The following SNRK variants were observed in gnomAD, a reference collection of about 807,000 sequenced individuals.
The protein encoded by SNRK is SNF related kinase, also known as SNF-related serine/threonine-protein kinase.
SNRK carries 3 observed loss-of-function variants against 48.2 expected under a neutral mutation model. That is an observed-to-expected ratio of 0.06 (90% CI 0.03 to 0.16). The LOEUF (loss-of-function observed/expected upper bound fraction) is 0.16. SNRK is among the 10% of genes least tolerant of loss of function. The pLI is 1.00. For missense variants in SNRK, 627 were observed against 976.0 expected, an observed-to-expected ratio of 0.64 and a Z score of 4.76; for synonymous variants, 376 against 366.1, an observed-to-expected ratio of 1.03 and a Z score of -0.31.
chr3:43,289,457 T>C (rs1021077887), intron 1 of SNRK, among the ~76,000 whole-genome samples: 1 of 152,042 alleles, frequency 6.6e-6, no homozygotes, highest in African/African-American at 2.4e-5. Flanking sequence ...GAGAAGGATT[T>C]TGGTGAGGTG....
chr3:43,329,187 A>C (rs914940376), intron 3 of SNRK, among the ~76,000 whole-genome samples: 8 of 152,214 alleles, frequency 5.3e-5, no homozygotes, highest in Non-Finnish European at 1.0e-4. Flanking sequence ...AAGAAGAGAA[A>C]TAAAAAGTCT....
chr3:43,305,261 A>G (rs1337214681), intron 3 of SNRK, among the ~76,000 whole-genome samples: 2 of 152,154 alleles, frequency 1.3e-5, no homozygotes, highest in East Asian at 1.9e-4. Context: ...TCTCCTATAT[A>G]TGCACCTCAG....
At chr3:43,333,801 G>T (rs912666305) in intron 4 of SNRK, among the ~76,000 whole-genome samples, 1 of 152,104 alleles carries the variant, frequency 6.6e-6, no homozygotes, top group Non-Finnish European at 1.5e-5. Context: ...AAATAGAACA[G>T]TTCCTAGTAT....
chr3:43,340,132 ACTAAATT>A (rs2091224305), intron 4 of SNRK, among the ~76,000 whole-genome samples, 148 bp from the exon 5 acceptor site: 1 of 151,968 alleles, frequency 6.6e-6, no homozygotes, highest in South Asian at 2.1e-4. Flanking sequence ...CTGCAGTGGC[ACTAAATT>A]TTTATTATTC....
intron 3 of SNRK, among the ~76,000 whole-genome samples, chr3:43,330,728 G>T (rs1465042706): frequency 1.3e-5 from 2 of 152,256 alleles, no homozygotes; most frequent in East Asian, 3.9e-4. Context: ...GAGTCAGCTT[G>T]CTGTCCTAGG....
chr3:43,304,464 C>G (rs2125620940), intron 3 of SNRK, among the ~76,000 whole-genome samples: 1 of 152,242 alleles, frequency 6.6e-6, no homozygotes, highest in African/African-American at 2.4e-5. Flanking sequence ...CCTTCTTTCC[C>G]TCTCCACACA....
At chr3:43,286,854 A>T (rs1313167903) in intron 1 of SNRK, among the ~76,000 whole-genome samples, 179 bp downstream of exon 1, 1 of 144,994 alleles carries the variant, frequency 6.9e-6, no homozygotes, top group Non-Finnish European at 1.5e-5. Context: ...GCCCGGGAGG[A>T]CGCGGGGCCC....
intron 3 of SNRK, among the ~76,000 whole-genome samples, chr3:43,323,982 T>A (rs1385110272): frequency 1.3e-5 from 2 of 152,142 alleles, no homozygotes; most frequent in Non-Finnish European, 2.9e-5. Context: ...ACACAGCTGC[T>A]CTGTATCTTG....
At chr3:43,325,377 A>C (rs929971534) in intron 3 of SNRK, among the ~76,000 whole-genome samples, 2 of 151,996 alleles carry the variant, frequency 1.3e-5, no homozygotes, top group Non-Finnish European at 2.9e-5. Flanking sequence ...GTGTTAGCCA[A>C]GATGGTCTCG....
Position 43,347,400 on chromosome 3 carries a change from C to T in SNRK, c.1141C>T (p.Pro381Ser). The T allele has an allele frequency of 1.2e-6, 2 of 1,612,756 alleles. No individual in the cohort carries two copies. Among genetic ancestry groups the T allele is most frequent in the Admixed American group, 1.7e-5 (1 of 59,906 alleles). Residue 381 changes from proline to serine, a missense_variant, in exon 7 of 7, where the codon CCT becomes TCT. Transcript: ENST00000296088. The surrounding 1 kb of genome is among the most constrained non-coding windows in gnomAD (Gnocchi z 5.4). ...CCTTGAGGATGACCTCACGGCCACTCCTTTGTCCCACGCGACTGTCCCTCA... is the reference window on the plus strand; with the variant it reads ...CCTTGAGGATGACCTCACGGCCACTTCTTTGTCCCACGCGACTGTCCCTCA... ...QDLEDDLTAT[P>S]LSHATVPQSP...
chr3:43,300,084 A>G (rs1443900535), intron 2 of SNRK, among the ~76,000 whole-genome samples: 2 of 152,126 alleles, frequency 1.3e-5, no homozygotes, highest in Admixed American at 6.5e-5. Context: ...ATACAATTTA[A>G]TTGTGGTTTC....
chr3:43,333,221 A>G (rs1034062260), intron 4 of SNRK: 6 of 151,770 alleles, frequency 4.0e-5, no homozygotes, highest in African/African-American at 1.5e-4. Context: ...AATACAGAAA[A>G]TTACCTGGGC....
intron 3 of SNRK, among the ~76,000 whole-genome samples, chr3:43,305,102 T>A (rs983965515): frequency 6.6e-6 from 1 of 152,152 alleles, no homozygotes; most frequent in African/African-American, 2.4e-5. Flanking sequence ...AATAAGATAC[T>A]CTTTCATACT....
intron 3 of SNRK, among the ~76,000 whole-genome samples, chr3:43,307,121 A>G (rs528002854): frequency 2.2e-4 from 33 of 152,272 alleles, no homozygotes; most frequent in African/African-American, 7.9e-4. Context: ...GAATAATGGT[A>G]GTCTTCTATT....
intron 3 of SNRK, among the ~76,000 whole-genome samples, chr3:43,313,442 AT>A (rs2090993161): frequency 1.3e-5 from 2 of 152,234 alleles, no homozygotes; most frequent in Admixed American, 1.3e-4. Flanking sequence ...AACAACAATC[AT>A]CTCAGGTTAC....
chr3:43,319,747 A>G (rs2125631319), intron 3 of SNRK, among the ~76,000 whole-genome samples: 1 of 152,350 alleles, frequency 6.6e-6, no homozygotes, highest in East Asian at 1.9e-4. Context: ...AACCAAGGAA[A>G]TGAAGATTAC....
At chr3:43,331,182 G>A (rs927314710) in intron 3 of SNRK, among the ~76,000 whole-genome samples, 13 of 152,026 alleles carry the variant, frequency 8.6e-5, no homozygotes, top group African/African-American at 1.7e-4. Flanking sequence ...TCTTGAATTC[G>A]TTTCTTATTA....
intron 3 of SNRK, among the ~76,000 whole-genome samples, chr3:43,324,099 A>G (rs2091075643): frequency 1.3e-5 from 2 of 152,224 alleles, no homozygotes; most frequent in Admixed American, 6.5e-5. Flanking sequence ...TAGGGAAAAA[A>G]TAATCAGGCC....
At chr3:43,311,224 G>T (rs1320308547) in intron 3 of SNRK, among the ~76,000 whole-genome samples, 1 of 152,110 alleles carries the variant, frequency 6.6e-6, no homozygotes, top group Non-Finnish European at 1.5e-5. Context: ...ACATGGTTGG[G>T]GCTAGTGTAG....
Sources: allele counts gnomAD v4.1 joint callset (sites outside exome capture counted in the v4.1 genomes callset), GRCh38; gene constraint gnomAD v4.1.1; non-coding constraint Gnocchi (gnomAD v3.1); transcripts MANE v1.5; gene names NCBI Gene and HGNC (gene_info 2026-07-23, HGNC 2026-07-21).